The following TMEM132D variants were observed in gnomAD, a reference collection of about 807,000 sequenced individuals.
TMEM132D encodes the protein mature OL transmembrane protein.
In TMEM132D, 21 loss-of-function variants were observed where a neutral mutation model predicts 62.3. The ratio of observed to expected loss-of-function variants is 0.34; its 90% confidence interval spans 0.24 to 0.49. The LOEUF is 0.49. Ranked by LOEUF, TMEM132D falls within the 20% of genes least tolerant of loss-of-function variation. The probability of loss-of-function intolerance (pLI) is 0.99; values close to 1 mark genes in which losing one functional copy is unlikely to be tolerated. For missense variants in TMEM132D, 1,346 were observed against 1,402.8 expected (o/e 0.96, Z 0.65); for synonymous variants, 621 against 575.6 (o/e 1.08, Z -1.13).
At chr12:129,190,273 T>G (rs112349441) in intron 5 of TMEM132D, among the ~76,000 whole-genome samples, 32 of 10,322 alleles carry the variant, frequency 3.1e-3, no homozygotes, top group Non-Finnish European at 3.6e-3. Context: ...GGCCTGCAGA[T>G]GGAGGGAGGG....
intron 4 of TMEM132D, among the ~76,000 whole-genome samples, chr12:129,325,098 C>T (rs1360830511): frequency 6.6e-6 from 1 of 152,144 alleles, no homozygotes; most frequent in Non-Finnish European, 1.5e-5. Flanking sequence ...TGCTCAGTTA[C>T]AGACTTTCAG....
At chr12:129,550,985 C>T (rs1196136396) in intron 2 of TMEM132D, among the ~76,000 whole-genome samples, 1 of 152,220 alleles carries the variant, frequency 6.6e-6, no homozygotes. Flanking sequence ...AAAGCCACCA[C>T]TTAAGAAGCT....
At chr12:129,473,553 A>G (rs1379637387) in intron 3 of TMEM132D, among the ~76,000 whole-genome samples, 2 of 150,758 alleles carry the variant, frequency 1.3e-5, no homozygotes, top group Non-Finnish European at 1.5e-5. Flanking sequence ...CTGGTCTCGA[A>G]CCCCTGGCCT....
At chr12:129,650,546 C>G (rs552719984) in intron 2 of TMEM132D, among the ~76,000 whole-genome samples, 1 of 152,154 alleles carries the variant, frequency 6.6e-6, no homozygotes, top group Non-Finnish European at 1.5e-5. Context: ...ACTTTCAAAA[C>G]GATTGTAACA....
chr12:129,699,660 C>T (rs1243430799), intron 2 of TMEM132D, 150 bp downstream of exon 2: 3 of 932,640 alleles, frequency 3.2e-6, no homozygotes, highest in Non-Finnish European at 4.8e-6. Flanking sequence ...AGACTGGTCT[C>T]TGTATTCCAC....
At chr12:129,860,568 C>T (rs1873861185) in intron 1 of TMEM132D, among the ~76,000 whole-genome samples, 1 of 152,206 alleles carries the variant, frequency 6.6e-6, no homozygotes, top group Non-Finnish European at 1.5e-5. Flanking sequence ...AATATATATA[C>T]ATATGTGCGT....
intron 4 of TMEM132D, among the ~76,000 whole-genome samples, chr12:129,264,675 CATCA>C (rs1188888751): frequency 6.6e-6 from 1 of 152,156 alleles, no homozygotes; most frequent in South Asian, 2.1e-4. Flanking sequence ...CCCAAATGCC[CATCA>C]ATCAATGAGT....
intron 3 of TMEM132D, among the ~76,000 whole-genome samples, chr12:129,476,932 G>GT (rs748793232): frequency 4.6e-5 from 7 of 152,062 alleles, no homozygotes; most frequent in African/African-American, 1.7e-4. Context: ...TCTACCAATC[G>GT]TTTTTTGTCC....
intron 4 of TMEM132D, among the ~76,000 whole-genome samples, chr12:129,312,233 G>A (rs1470439605): frequency 2.6e-5 from 4 of 152,168 alleles, no homozygotes; most frequent in Non-Finnish European, 5.9e-5. Context: ...TGGCTTTGGG[G>A]AATAAGACAA....
At chr12:129,091,255 C>A (rs534326298) in intron 5 of TMEM132D, among the ~76,000 whole-genome samples, 1 of 151,518 alleles carries the variant, frequency 6.6e-6, no homozygotes, top group East Asian at 2.0e-4. Context: ...TACCTAAGTT[C>A]CCCTGGGCTC....
At chr12:129,888,107 T>C (rs190757312) in intron 1 of TMEM132D, among the ~76,000 whole-genome samples, 1 of 152,376 alleles carries the variant, frequency 6.6e-6, no homozygotes, top group African/African-American at 2.4e-5. Context: ...TATTGAATGC[T>C]TGTAAAACAA....
intron 3 of TMEM132D, among the ~76,000 whole-genome samples, chr12:129,365,003 G>A (rs1357783886): frequency 1.3e-5 from 2 of 152,202 alleles, no homozygotes; most frequent in African/African-American, 4.8e-5. Context: ...TCAAATGAAT[G>A]TACAGCATTT....
At chr12:129,882,290 C>T (rs1874621813) in intron 1 of TMEM132D, among the ~76,000 whole-genome samples, 1 of 151,960 alleles carries the variant, frequency 6.6e-6, no homozygotes, top group East Asian at 1.9e-4. Flanking sequence ...TACCCTAACA[C>T]CAAAAGTAGA....
In TMEM132D at chr12:129,520,965, T is replaced by C. The variant is rs930837755; in HGVS notation, c.1115+10094A>G. On this transcript the variant is annotated intron_variant, in intron 3 of 8. Transcript: ENST00000422113. ...CAGCAAGTTTCCCAGACTTTGAGAG[T>C]TGTTCAAAAACAATGCTGAGTAATT... 3.3e-5 allele frequency among the ~76,000 whole-genome samples: 5 copies of C among 152,118 alleles called. No individual in the cohort carries two copies. The South Asian group carries it at 1.0e-3, about 31-fold the overall frequency.
intron 1 of TMEM132D, among the ~76,000 whole-genome samples, chr12:129,888,546 T>TA (rs765848864): frequency 7.9e-5 from 12 of 151,352 alleles, no homozygotes; most frequent in South Asian, 2.1e-4. Flanking sequence ...AAAAATACAA[T>TA]AAAAAAAATT....
At chr12:129,574,196 A>C (rs923730812) in intron 2 of TMEM132D, among the ~76,000 whole-genome samples, 1 of 151,996 alleles carries the variant, frequency 6.6e-6, no homozygotes, top group African/African-American at 2.4e-5. Context: ...AGTAAGATGG[A>C]TTAATAGATG....
chr12:129,393,384 A>C (rs1871341632), intron 3 of TMEM132D, among the ~76,000 whole-genome samples: 1 of 152,178 alleles, frequency 6.6e-6, no homozygotes, highest in African/African-American at 2.4e-5. Flanking sequence ...CAACTGGTTT[A>C]ATGGATCAAA....
intron 3 of TMEM132D, among the ~76,000 whole-genome samples, chr12:129,472,926 C>A (rs1874137271): frequency 6.6e-6 from 1 of 151,984 alleles, no homozygotes; most frequent in Non-Finnish European, 1.5e-5. Context: ...GCGCAGTGGC[C>A]TGATCTCGGC....
At chr12:129,266,283 C>A (rs201598656) in intron 4 of TMEM132D, among the ~76,000 whole-genome samples, 2 of 152,114 alleles carry the variant, frequency 1.3e-5, no homozygotes, top group East Asian at 3.9e-4. Flanking sequence ...TGGCTCGCTC[C>A]TCCTCCTGTG....
Sources: gnomAD v4.1 joint callset for allele counts (sites outside exome capture counted in the v4.1 genomes callset) on GRCh38, gnomAD v4.1.1 for gene constraint, MANE v1.5 for transcripts, NCBI Gene and HGNC (gene_info 2026-07-23, HGNC 2026-07-21) for gene names.